The following SUMF2 variants were observed in gnomAD, a reference collection of about 807,000 sequenced individuals.
SUMF2 encodes inactive C-alpha-formylglycine-generating enzyme 2.
SUMF2 carries 45 observed loss-of-function variants against 44.8 expected under a neutral mutation model. The observed-to-expected ratio is 1.00, with a 90% CI of 0.79 to 1.29. The LOEUF is 1.29. Ranked by LOEUF, SUMF2 falls within the 50% of genes most tolerant of loss-of-function variation. The pLI is 0.00. For synonymous variants in SUMF2, 148 were observed against 150.4 expected (o/e 0.98, Z 0.12); for missense variants, 418 against 389.9 (o/e 1.07, Z -0.61).
chr7:56,080,984 C>A, downstream of SUMF2: 3 of 1,571,770 alleles, frequency 1.9e-6, no homozygotes, highest in Non-Finnish European at 2.6e-6. Context: ...CGCATCTCAC[C>A]CCTTTGACTT....
At chr7:56,064,496 C>T (rs1794612484) in intron 1 of SUMF2, 118 bp downstream of exon 1, 1 of 1,406,908 alleles carries the variant, frequency 7.1e-7, no homozygotes, top group Admixed American at 3.0e-5. Flanking sequence ...CAGCGGCAGG[C>T]TGGGGAGGTA....
chr7:56,081,905 G>A (rs1317783666), downstream of SUMF2: 2 of 1,613,454 alleles, frequency 1.2e-6, no homozygotes, highest in South Asian at 1.1e-5. This position sits in a 1 kb window ranked among gnomAD's most constrained non-coding sequence, Gnocchi z 4.6. Flanking sequence ...GGTCCTTCAC[G>A]GTGTCCGAGT....
downstream of SUMF2, chr7:56,084,154 C>T: frequency 1.3e-6 from 2 of 1,524,064 alleles, no homozygotes; most frequent in East Asian, 2.4e-5. Context: ...AGTACCTTGC[C>T]CTGCCCTGGG....
Position 56,080,049 on chromosome 7 carries a change from A to C in SUMF2, c.*437A>C. 3.1e-6 allele frequency: 2 copies of C among 651,492 alleles called. No individual in the cohort carries two copies. The highest frequency in any genetic ancestry group is 5.2e-6 in the Non-Finnish European group (2 of 387,460). The allele number at this position is 651,492 out of a possible 1,614,324, so 40.4% of individuals were successfully genotyped here. A position where few individuals can be genotyped will look rare whatever the true frequency, so the allele number is the denominator to read the frequency against. ...CTCAGCCAGTTGCTGTGGAAGGAGA[A>C]TGCTTTCTTTGTGGCCTCATCTGTG... On this transcript the variant is annotated 3_prime_UTR_variant, in exon 9 of 9. Coordinates refer to ENST00000434526, the MANE Select transcript of SUMF2 (RefSeq NM_015411.4).
chr7:56,068,631 G>T lies in SUMF2; in HGVS notation c.217G>T (p.Asp73Tyr). 1 of 1,611,758 alleles carries T rather than the reference G, an allele frequency of 6.2e-7. No homozygotes were observed. The highest frequency in any genetic ancestry group is 8.5e-7 in the Non-Finnish European group (1 of 1,178,686). ...AIDIFPVTNKDFRDFVREKKY... is the reference protein window; with the variant it reads ...AIDIFPVTNKYFRDFVREKKY... ...CGACATATTTCCTGTCACCAACAAA[G>T]ATTTCAGGTACATCAGGTATTCTTC... Residue 73 changes from aspartate to tyrosine, a missense_variant, in exon 2 of 9, where the codon GAT becomes TAT. Coordinates refer to ENST00000434526, the MANE Select transcript of SUMF2 (RefSeq NM_015411.4).
intron 2 of SUMF2, among the ~76,000 whole-genome samples, chr7:56,071,800 A>G (rs1795168002): frequency 6.7e-6 from 1 of 149,570 alleles, no homozygotes; most frequent in African/African-American, 2.5e-5. Flanking sequence ...AAATAAATAA[A>G]TAAATAAATA....
chr7:56,082,882 C>T (rs561666612), downstream of SUMF2, among the ~76,000 whole-genome samples: 14 of 151,942 alleles, frequency 9.2e-5, no homozygotes, highest in East Asian at 1.2e-3. Flanking sequence ...CCGAGGCGGG[C>T]GGATCGTAAG....
At chr7:56,071,878 G>A (rs935024324) in intron 2 of SUMF2, among the ~76,000 whole-genome samples, 6 of 151,756 alleles carry the variant, frequency 4.0e-5, no homozygotes, top group African/African-American at 7.3e-5. Context: ...TTGGGAGGCC[G>A]AGGCGGGCAG....
chr7:56,070,213 A>G (rs971809518), intron 2 of SUMF2, among the ~76,000 whole-genome samples: 9 of 152,016 alleles, frequency 5.9e-5, no homozygotes, highest in Non-Finnish European at 1.2e-4. Flanking sequence ...CCGGCCAAAA[A>G]TCCATTTTAA....
intron 5 of SUMF2, among the ~76,000 whole-genome samples, chr7:56,075,606 G>A (rs989876538): frequency 6.6e-6 from 1 of 151,648 alleles, no homozygotes; most frequent in African/African-American, 2.4e-5. Flanking sequence ...GGCTGAGGCA[G>A]GGGAATGGCG....
intron 8 of SUMF2, chr7:56,079,043 C>A: frequency 1.8e-6 from 1 of 552,298 alleles, no homozygotes; most frequent in South Asian, 2.5e-5. Context: ...ACTACAGGTG[C>A]GGCTAATTTT....
At chr7:56,073,397 A>G (rs1300878055) in intron 3 of SUMF2, 2 of 423,936 alleles carry the variant, frequency 4.7e-6, no homozygotes, top group Non-Finnish European at 8.9e-6. Flanking sequence ...TCATGCCTAT[A>G]ATCTCAGCAC....
rs1468287207 is a variant in SUMF2 at position 56,068,495 on chromosome 7, T to C, written c.81T>C (p.Ala27=). Residue 27 remains alanine, a synonymous_variant, in exon 2 of 9, where the codon GCT becomes GCC. Transcript: ENST00000434526. The part of the protein sequence containing the change: ...GAWLKLGNGQ[A]TSMVQLQGGR... The stretch of plus-strand genomic sequence containing the variant: ...TTTTCTCTGCAGGAAATGGACAGGC[T>C]ACTAGCATGGTCCAACTGCAGGGTG... The C allele has an allele frequency of 1.2e-6, 2 of 1,612,406 alleles. No homozygotes were observed. The highest frequency in any genetic ancestry group is 3.4e-5 in the Admixed American group (2 of 59,438).
downstream of SUMF2, chr7:56,081,199 A>C: frequency 1.2e-6 from 2 of 1,613,902 alleles, no homozygotes; most frequent in Non-Finnish European, 1.7e-6. The surrounding 1 kb of genome is among the most constrained non-coding windows in gnomAD (Gnocchi z 4.6). Context: ...CAGAGGCCGG[A>C]GGGCATAGGG....
chr7:56,064,395 T>G lies in SUMF2; in HGVS notation c.67+17T>G, dbSNP rs779068367. The G allele has an allele frequency of 6.3e-7, 1 of 1,596,066 alleles. No homozygotes were observed. Among genetic ancestry groups the G allele is most frequent in the East Asian group, 2.3e-5 (1 of 44,042 alleles). ...TCAAGCTAGGTCAGTGAACCGGCCG[T>G]CCATCCTGGGGGCGCTGGGAAGGGG... On this transcript the variant is annotated intron_variant, in intron 1 of 8. Transcript: ENST00000434526.
At position 56,065,318 on chromosome 7, in the gene SUMF2, C is replaced by T. The variant is rs116234670; in HGVS notation, c.67+940C>T. On this transcript the variant is annotated intron_variant, in intron 1 of 8. Coordinates refer to ENST00000434526, the MANE Select transcript of SUMF2 (RefSeq NM_015411.4). ...TCCTGCTCCTGCGGAATCGCACACT[C>T]CCCCTCTCCTGGAGCCATTTGGAAG... Among the ~76,000 whole-genome samples the T allele has an allele frequency of 2.3e-3, 355 of 152,212 alleles. 2 individuals are homozygous for T. The highest frequency in any genetic ancestry group is 8.1e-3 in the African/African-American group (338 of 41,544).
rs748925117 is a variant in SUMF2 at position 56,068,462 on chromosome 7, ACT to A, written c.68-15_68-14del. On this transcript the variant is annotated intron_variant, in intron 1 of 8. Coordinates refer to ENST00000434526, the MANE Select transcript of SUMF2 (RefSeq NM_015411.4). Reference sequence around the variant, plus strand: ...TATATATATGCATGTATTACTGGTAACTCTCTTTTTTCTCTGCAGGAAATGGA... The same window carrying A: ...TATATATATGCATGTATTACTGGTAACTCTTTTTTCTCTGCAGGAAATGGA... 2.5e-6 allele frequency: 4 copies of A among 1,597,080 alleles called. No homozygotes were observed. The highest frequency in any genetic ancestry group is 1.7e-6 in the Non-Finnish European group (2 of 1,175,132).
chr7:56,076,936 T>C (rs774208254), intron 6 of SUMF2, 47 bp downstream of exon 6: 27 of 1,571,494 alleles, frequency 1.7e-5, no homozygotes, highest in Non-Finnish European at 2.3e-5. Flanking sequence ...AGAGACCTGC[T>C]GGAGGCTGGG....
At chr7:56,074,823 C>A in intron 5 of SUMF2, 87 bp downstream of exon 5, 2 of 1,551,246 alleles carry the variant, frequency 1.3e-6, no homozygotes, top group East Asian at 2.3e-5. Context: ...AGGGGCTGGG[C>A]GCAGTGGCTT....
Sources: allele counts gnomAD v4.1 joint callset (sites outside exome capture counted in the v4.1 genomes callset), GRCh38; gene constraint gnomAD v4.1.1; non-coding constraint Gnocchi (gnomAD v3.1); transcripts MANE v1.5; gene names NCBI Gene and HGNC (gene_info 2026-07-23, HGNC 2026-07-21).